KCNQ1: variants seen among roughly 807,000 people sequenced by gnomAD.
KCNQ1 encodes the protein potassium voltage-gated channel subfamily Q member 1.
Under a neutral mutation model 72.4 loss-of-function variants are expected in KCNQ1, and 49 were observed. The observed-to-expected ratio is 0.68, with a 90% CI of 0.54 to 0.86. The LOEUF is 0.86. KCNQ1 is among the 40% of genes least tolerant of loss of function. The pLI, the probability that KCNQ1 is intolerant of heterozygous loss-of-function variation, is 0.00. For missense variants in KCNQ1, 790 were observed against 945.1 expected (o/e 0.84, Z 2.15); for synonymous variants, 450 against 412.6 (o/e 1.09, Z -1.10).
intron 15 of KCNQ1, among the ~76,000 whole-genome samples, chr11:2,798,972 A>T (rs948076209): frequency 2.6e-5 from 4 of 152,090 alleles, no homozygotes. Flanking sequence ...CGTGAAGGGT[A>T]CCCACGAGGA....
chr11:2,513,570 A>C (rs567314829), intron 1 of KCNQ1, among the ~76,000 whole-genome samples: 1 of 152,278 alleles, frequency 6.6e-6, no homozygotes, highest in Admixed American at 6.5e-5. Flanking sequence ...AGAGTTCCAC[A>C]GGCACCAGTC....
chr11:2,751,334 G>A (rs530946684), intron 11 of KCNQ1, among the ~76,000 whole-genome samples: 1 of 152,292 alleles, frequency 6.6e-6, no homozygotes, highest in African/African-American at 2.4e-5. Flanking sequence ...AAAGCCCCAC[G>A]CTCTCAGCAG....
In KCNQ1 at chr11:2,766,614, T is replaced by C. The variant is rs921307253; in HGVS notation, c.1515-2230T>C. On this transcript the variant is annotated intron_variant, in intron 11 of 15. Transcript: ENST00000155840. This position sits in a 1 kb window ranked among gnomAD's most constrained non-coding sequence, Gnocchi z 4.4. ...CTTTAATTAATCACAGTCTGCCCTC[T>C]GGCCATAACTTTTCGCATTCTCCCC... 6.6e-6 allele frequency among the ~76,000 whole-genome samples: 1 copy of C among 152,196 alleles called. No individual in the cohort carries two copies. Among genetic ancestry groups the C allele is most frequent in the African/African-American group, 2.4e-5 (1 of 41,450 alleles).
rs539507978 is a variant in KCNQ1 at position 2,467,200 on chromosome 11, G to A, written c.386+21716G>A. 1.4e-3 allele frequency among the ~76,000 whole-genome samples: 216 copies of A among 152,318 alleles called. 1 individual carries two copies. The highest frequency in any genetic ancestry group is 4.9e-4 in the Non-Finnish European group (33 of 68,008). Reference sequence around the variant, plus strand: ...GGTGCCTCTGCAGGGGTGGAAGTGGGCTGTGAGGGGGTCTGGGTTTATCTC... The same window carrying A: ...GGTGCCTCTGCAGGGGTGGAAGTGGACTGTGAGGGGGTCTGGGTTTATCTC... On this transcript the variant is annotated intron_variant, in intron 1 of 15. Coordinates refer to ENST00000155840, the MANE Select transcript of KCNQ1 (RefSeq NM_000218.3).
chr11:2,639,417 T>C (rs1485706818), intron 10 of KCNQ1: 1 of 152,264 alleles, frequency 6.6e-6, no homozygotes, highest in African/African-American at 2.4e-5. Context: ...TGTTTGTTAG[T>C]TTTCCTTCTA....
In KCNQ1 at chr11:2,671,346, T is replaced by C; in HGVS notation, c.1514+9265T>C. On this transcript the variant is annotated intron_variant, in intron 11 of 15. Transcript: ENST00000155840. This position sits in a 1 kb window ranked among gnomAD's most constrained non-coding sequence, Gnocchi z 4.7. ...CAGCCTCAGAGGCTCCCTCTGAAGA[T>C]GACACTGGGAATATCCTGAAAAAGG... 2 of 398,542 alleles carry C rather than the reference T, an allele frequency of 5.0e-6. No homozygotes were observed. Among genetic ancestry groups the C allele is most frequent in the Non-Finnish European group, 8.8e-6 (2 of 226,050 alleles). The allele number at this position is 398,542 out of a possible 1,614,324, so 24.7% of individuals were successfully genotyped here. A position where few individuals can be genotyped will look rare whatever the true frequency, so the allele number is the denominator to read the frequency against.
At chr11:2,741,737 G>A (rs1380578855) in intron 11 of KCNQ1, among the ~76,000 whole-genome samples, 4 of 152,248 alleles carry the variant, frequency 2.6e-5, no homozygotes, top group African/African-American at 9.6e-5. Context: ...CCGGAGCACA[G>A]CCGGCCTCCT....
At position 2,710,565 on chromosome 11, in the gene KCNQ1, A is replaced by G. The variant is rs1850985858; in HGVS notation, c.1514+48484A>G. On this transcript the variant is annotated intron_variant, in intron 11 of 15. Transcript: ENST00000155840. The surrounding 1 kb of genome is among the most constrained non-coding windows in gnomAD (Gnocchi z 4.1). ...AATAACAACATGTAATCTGAGGTCA[A>G]AAAGATTTACCCCTATATTTTCTTC... is the stretch of plus-strand genomic sequence containing the variant. 6.6e-6 allele frequency among the ~76,000 whole-genome samples: 1 copy of G among 152,188 alleles called. No homozygotes were observed. The highest frequency in any genetic ancestry group is 2.1e-4 in the South Asian group (1 of 4,822).
At chr11:2,571,908 G>T in intron 4 of KCNQ1, 105 bp from the exon 5 acceptor site, 1 of 909,912 alleles carries the variant, frequency 1.1e-6, no homozygotes, top group Non-Finnish European at 1.8e-6. Context: ...TGGACGCCTG[G>T]GAGGGGCAGG....
chr11:2,693,269 C>G (rs1394634617), intron 11 of KCNQ1: 1 of 398,634 alleles, frequency 2.5e-6, no homozygotes, highest in East Asian at 3.6e-5. Flanking sequence ...GGCTTAACAA[C>G]TCAGATGCAC....
chr11:2,641,275 A>G, intron 10 of KCNQ1: 1 of 398,472 alleles, frequency 2.5e-6, no homozygotes, highest in Admixed American at 4.4e-5. Context: ...CATTCCCACC[A>G]ACAGTGTATA....
Position 2,601,741 on chromosome 11 carries a change from C to T in KCNQ1, c.1393+12887C>T, listed in dbSNP as rs557158050. 3.9e-5 allele frequency among the ~76,000 whole-genome samples: 6 copies of T among 152,272 alleles called. No individual in the cohort carries two copies. Among genetic ancestry groups the T allele is most frequent in the South Asian group, 4.1e-4 (2 of 4,830 alleles). On this transcript the variant is annotated intron_variant, in intron 10 of 15. Coordinates refer to ENST00000155840, the MANE Select transcript of KCNQ1 (RefSeq NM_000218.3). This position sits in a 1 kb window ranked among gnomAD's most constrained non-coding sequence, Gnocchi z 5.2. Reference sequence around the variant, plus strand: ...GATTCATTCCGGTTGTTTTGTATCGCGACAGTTCATTAAATCATAGTGCTG... The same window carrying T: ...GATTCATTCCGGTTGTTTTGTATCGTGACAGTTCATTAAATCATAGTGCTG...
At chr11:2,459,587 A>G (rs1226106310) in intron 1 of KCNQ1, among the ~76,000 whole-genome samples, 1 of 152,092 alleles carries the variant, frequency 6.6e-6, no homozygotes, top group Non-Finnish European at 1.5e-5. Flanking sequence ...GACTTCCTCT[A>G]AGCCAACCGG....
rs1847821624 is a variant in KCNQ1, at chr11:2,541,464, G to A, written c.477+13446G>A. On this transcript the variant is annotated intron_variant, in intron 2 of 15. Transcript: ENST00000155840. The surrounding 1 kb of genome is among the most constrained non-coding windows in gnomAD (Gnocchi z 4.8). ...AGGGTCAGGGATGGCTGCTGTCCTC[G>A]GGGGAGGGACTGAGCTGGGCCCTTT... Among the ~76,000 whole-genome samples the A allele has an allele frequency of 1.3e-5, 2 of 152,078 alleles. No individual in the cohort carries two copies. The highest frequency in any genetic ancestry group is 6.5e-5 in the Admixed American group (1 of 15,278).
chr11:2,778,855 T>C (rs1000840195), intron 15 of KCNQ1, among the ~76,000 whole-genome samples: 3 of 152,156 alleles, frequency 2.0e-5, no homozygotes, highest in Non-Finnish European at 4.4e-5. Context: ...CCTGCTTCCA[T>C]CTCGGCTGCA....
rs1220097042 is a variant in KCNQ1 at position 2,477,899 on chromosome 11, G to A, written c.386+32415G>A. On this transcript the variant is annotated intron_variant, in intron 1 of 15. Transcript: ENST00000155840. This position sits in a 1 kb window ranked among gnomAD's most constrained non-coding sequence, Gnocchi z 5.0. ...TCTCACGTTAGAATCAACAGGGCTG[G>A]AAGGCCATCAAGGAAACCCCGTGGC... 6.6e-6 allele frequency among the ~76,000 whole-genome samples: 1 copy of A among 152,204 alleles called. No homozygotes were observed. The highest frequency in any genetic ancestry group is 1.5e-5 in the Non-Finnish European group (1 of 68,046).
intron 11 of KCNQ1, chr11:2,696,291 G>A (rs1850674791): frequency 5.0e-6 from 2 of 398,536 alleles, no homozygotes; most frequent in Admixed American, 4.4e-5. Flanking sequence ...TTTCCTAGGG[G>A]CTCAGTTAGG....
rs867161719 is a variant in KCNQ1, at chr11:2,516,487, C to T, written c.387-11441C>T. Among the ~76,000 whole-genome samples, 3 of 152,088 alleles carry T rather than the reference C, an allele frequency of 2.0e-5. No homozygotes were observed. The South Asian group carries it at 6.2e-4, about 32-fold the overall frequency. On this transcript the variant is annotated intron_variant, in intron 1 of 15. Coordinates refer to ENST00000155840, the MANE Select transcript of KCNQ1 (RefSeq NM_000218.3). The surrounding 1 kb of genome is among the most constrained non-coding windows in gnomAD (Gnocchi z 7.0). ...CAATCTCCGGGCTCAAAATTGGCCC[C>T]CAGAAAGCCTTTGAGATGGACAGGG...
chr11:2,629,490 T>C (rs76497132), intron 10 of KCNQ1: 28,386 of 398,394 alleles, frequency 0.071, 1,145 homozygotes, highest in Middle Eastern at 0.11. Context: ...GTGGTCCACT[T>C]TGAGTTAATT....
Sources: gnomAD v4.1 joint callset for allele counts (sites outside exome capture counted in the v4.1 genomes callset) on GRCh38, gnomAD v4.1.1 for gene constraint, Gnocchi (gnomAD v3.1) non-coding constraint, MANE v1.5 for transcripts, NCBI Gene and HGNC (gene_info 2026-07-23, HGNC 2026-07-21) for gene names.